Variants in CTNND2 observed in about 807,000 individuals in gnomAD.
CTNND2 encodes catenin delta-2.
In CTNND2, 22 loss-of-function variants were observed where a neutral mutation model predicts 144.4. That is an observed-to-expected ratio of 0.15 (90% CI 0.11 to 0.22). The LOEUF (loss-of-function observed/expected upper bound fraction) is 0.22, where lower values mean the gene tolerates loss of function less well. Among genes scored for constraint, CTNND2 ranks in the 10% least tolerant of loss-of-function variants. CTNND2 has a pLI of 1.00. For missense variants in CTNND2, 1,353 were observed against 1,618.8 expected (o/e 0.84, Z 2.82); for synonymous variants, 751 against 695.6 (o/e 1.08, Z -1.25).
intron 1 of CTNND2, among the ~76,000 whole-genome samples, chr5:11,895,164 A>G (rs1043823431): frequency 1.3e-5 from 2 of 152,148 alleles, no homozygotes; most frequent in Admixed American, 6.5e-5. Context: ...CCACACACAA[A>G]GCACTGCACC....
At chr5:11,381,607 C>T (rs1196076537) in intron 7 of CTNND2, among the ~76,000 whole-genome samples, 3 of 152,352 alleles carry the variant, frequency 2.0e-5, no homozygotes, top group South Asian at 4.1e-4. Flanking sequence ...TATGTCAGGA[C>T]AGATTCAAAG....
chr5:11,235,582 T>C (rs1196394279), intron 10 of CTNND2, among the ~76,000 whole-genome samples: 1 of 152,198 alleles, frequency 6.6e-6, no homozygotes, highest in Admixed American at 6.5e-5. Flanking sequence ...CTTTCTGGGA[T>C]GTTTGGCAGT....
intron 1 of CTNND2, among the ~76,000 whole-genome samples, chr5:11,810,729 G>A (rs1484597935): frequency 6.6e-6 from 1 of 152,128 alleles, no homozygotes; most frequent in Admixed American, 6.6e-5. Context: ...GAGTATACAG[G>A]TATGCTATTG....
intron 3 of CTNND2, among the ~76,000 whole-genome samples, chr5:11,527,099 T>C (rs1003424746): frequency 1.3e-5 from 2 of 152,140 alleles, no homozygotes; most frequent in African/African-American, 4.8e-5. Context: ...AGTTACAATT[T>C]ATACTTTCAG....
chr5:11,515,126 A>AAC (rs1384842612), intron 3 of CTNND2, among the ~76,000 whole-genome samples: 2 of 151,582 alleles, frequency 1.3e-5, no homozygotes, highest in Non-Finnish European at 2.9e-5. Flanking sequence ...AAAAAAAAAA[A>AAC]CGCATTTCCT....
chr5:11,901,279 T>C (rs1330042727), intron 1 of CTNND2, among the ~76,000 whole-genome samples: 1 of 152,228 alleles, frequency 6.6e-6, no homozygotes, highest in East Asian at 1.9e-4. Flanking sequence ...GAGCAAGTTC[T>C]GTAACATTTT....
At chr5:11,048,737 A>G (rs1745533081) in intron 16 of CTNND2, among the ~76,000 whole-genome samples, 2 of 152,254 alleles carry the variant, frequency 1.3e-5, no homozygotes, top group Admixed American at 1.3e-4. Flanking sequence ...TGATTTTCAC[A>G]TATGTGTAGA....
intron 9 of CTNND2, among the ~76,000 whole-genome samples, chr5:11,321,367 T>C (rs1752014880): frequency 1.3e-5 from 2 of 152,174 alleles, no homozygotes; most frequent in African/African-American, 4.8e-5. Flanking sequence ...TGCTCTGGGA[T>C]CACCTCCATG....
intron 3 of CTNND2, among the ~76,000 whole-genome samples, chr5:11,458,026 A>G (rs542930565): frequency 6.6e-6 from 1 of 152,198 alleles, no homozygotes; most frequent in Non-Finnish European, 1.5e-5. Flanking sequence ...TCATGACATG[A>G]TAACAGTATG....
intron 4 of CTNND2, 110 bp downstream of exon 4, chr5:11,411,925 C>T (rs529971039): frequency 1.6e-5 from 14 of 883,854 alleles, no homozygotes; most frequent in South Asian, 4.3e-5. Context: ...ATTTTACTAT[C>T]GGGATGTTTT....
chr5:11,573,864 T>G (rs1777767023), intron 2 of CTNND2, among the ~76,000 whole-genome samples: 1 of 152,184 alleles, frequency 6.6e-6, no homozygotes, highest in Admixed American at 6.6e-5. Flanking sequence ...CTCTGCCATT[T>G]TCTCTTGCCA....
chr5:11,438,388 G>A (rs1763959246), intron 3 of CTNND2, among the ~76,000 whole-genome samples: 1 of 152,172 alleles, frequency 6.6e-6, no homozygotes, highest in Admixed American at 6.5e-5. Flanking sequence ...AATCAACGTG[G>A]GTGAAAAGGA....
At chr5:11,080,611 G>A (rs1472055296) in intron 16 of CTNND2, among the ~76,000 whole-genome samples, 3 of 151,950 alleles carry the variant, frequency 2.0e-5, no homozygotes, top group South Asian at 2.1e-4. Context: ...AATAAAATAC[G>A]GTATATATAC....
intron 1 of CTNND2, among the ~76,000 whole-genome samples, chr5:11,747,950 C>T (rs902384599): frequency 3.1e-4 from 47 of 152,082 alleles, no homozygotes; most frequent in Middle Eastern, 3.4e-3. Context: ...CTCAAGATAC[C>T]GAAGCTCAAT....
intron 2 of CTNND2, among the ~76,000 whole-genome samples, chr5:11,728,525 C>T (rs1197269909): frequency 1.3e-5 from 2 of 152,172 alleles, no homozygotes; most frequent in East Asian, 3.9e-4. Context: ...TCTTACTTTC[C>T]TATATTTTGT....
intron 3 of CTNND2, among the ~76,000 whole-genome samples, chr5:11,515,663 C>A (rs915124920): frequency 6.6e-6 from 1 of 152,104 alleles, no homozygotes; most frequent in Admixed American, 6.5e-5. Context: ...TTTTATGAAT[C>A]TCAACATAGA....
chr5:11,059,877 C>G (rs1162783820), intron 16 of CTNND2, among the ~76,000 whole-genome samples: 1 of 151,694 alleles, frequency 6.6e-6, no homozygotes, highest in Admixed American at 6.6e-5. Flanking sequence ...TATAGATATA[C>G]CCATACACAT....
At chr5:11,266,850 A>C (rs1285303861) in intron 9 of CTNND2, among the ~76,000 whole-genome samples, 1 of 152,122 alleles carries the variant, frequency 6.6e-6, no homozygotes, top group East Asian at 1.9e-4. Flanking sequence ...CCTACTCTCG[A>C]ACTGCCACAA....
intron 7 of CTNND2, among the ~76,000 whole-genome samples, chr5:11,365,727 T>C (rs896792937): frequency 6.6e-6 from 1 of 152,158 alleles, no homozygotes; most frequent in Non-Finnish European, 1.5e-5. Context: ...AAGACTTTAG[T>C]GAGGGTGAAG....
Sources: allele counts gnomAD v4.1 joint callset (sites outside exome capture counted in the v4.1 genomes callset), GRCh38; gene constraint gnomAD v4.1.1; transcripts MANE v1.5; gene names NCBI Gene and HGNC (gene_info 2026-07-23, HGNC 2026-07-21).